The following PLAA variants were observed in gnomAD, a reference collection of about 807,000 sequenced individuals.
PLAA encodes the protein phospholipase A2 activating protein.
Under a neutral mutation model 84.1 loss-of-function variants are expected in PLAA, and 48 were observed. The ratio of observed to expected loss-of-function variants is 0.57; its 90% CI spans 0.45 to 0.73. The LOEUF is 0.73. Ranked by LOEUF, PLAA falls within the 30% of genes least tolerant of loss-of-function variation. The probability of loss-of-function intolerance (pLI) is 0.00; values close to 1 mark genes in which losing one functional copy is unlikely to be tolerated. For missense variants in PLAA, 903 were observed against 954.7 expected (o/e 0.95, Z 0.71); for synonymous variants, 392 against 336.6 (o/e 1.16, Z -1.80).
intron 2 of PLAA, among the ~76,000 whole-genome samples, chr9:26,929,003 G>T (rs577721316): frequency 1.8e-3 from 277 of 152,216 alleles, no homozygotes; most frequent in African/African-American, 6.5e-3. Context: ...TTAGAGACCG[G>T]CCTGGGCAAT....
At chr9:26,917,382 C>T (rs1401288149) in intron 9 of PLAA, among the ~76,000 whole-genome samples, 2 of 152,132 alleles carry the variant, frequency 1.3e-5, no homozygotes, top group Non-Finnish European at 2.9e-5. Context: ...AACTTTAATG[C>T]TTTATTATAC....
chr9:26,910,152 T>C (rs1824356141), intron 12 of PLAA, among the ~76,000 whole-genome samples, 186 bp downstream of exon 12: 1 of 152,218 alleles, frequency 6.6e-6, no homozygotes, highest in African/African-American at 2.4e-5. Flanking sequence ...GTAAGACTTC[T>C]TAGAAAGTAT....
intron 2 of PLAA, among the ~76,000 whole-genome samples, chr9:26,930,002 CAT>C (rs10594883): frequency 0.15 from 22,395 of 152,044 alleles, 1,904 homozygotes; most frequent in South Asian, 0.23. Context: ...CAGTCACACA[CAT>C]GTTTTTGGTG....
At chr9:26,917,042 G>A (rs1458743786) in intron 10 of PLAA, 55 bp downstream of exon 10, 3 of 1,400,080 alleles carry the variant, frequency 2.1e-6, no homozygotes, top group Admixed American at 1.7e-5. Flanking sequence ...GCCATGTGAT[G>A]CAAGATGCTA....
At position 26,916,126 on chromosome 9, in the gene PLAA, C is replaced by A. The variant is rs1824548459; in HGVS notation, c.1486+971G>T. 10 of 985,266 alleles carry A rather than the reference C, an allele frequency of 1.0e-5. No homozygotes were observed. In the African/African-American group the frequency reaches 1.7e-4, roughly 17 times the overall value. 61.0% of individuals were successfully genotyped at this position (985,266 alleles called of 1,614,324 possible). A position where few individuals can be genotyped will look rare whatever the true frequency, so the allele number is the denominator to read the frequency against. The stretch of plus-strand genomic sequence containing the variant: ...CAATAAATTCACAGGAAAAAGGAAG[C>A]TCACGGACAGCAATCCACAACTTCA... On this transcript the variant is annotated intron_variant, in intron 10 of 13. Coordinates refer to ENST00000397292, the MANE Select transcript of PLAA (RefSeq NM_001031689.3).
intron 12 of PLAA, among the ~76,000 whole-genome samples, chr9:26,908,661 C>T (rs1824311311): frequency 6.6e-6 from 1 of 151,870 alleles, no homozygotes; most frequent in African/African-American, 2.4e-5. Context: ...GATGGGGTTT[C>T]ACCATGTTGG....
In PLAA at chr9:26,947,051, G is replaced by A; in HGVS notation, c.-6C>T. ...CTGGTTGCGCCGCTCGTCATGGCCA[G>A]TGTCTGTCTGGCGCCCGGTGCCCAG... On this transcript the variant is annotated 5_prime_UTR_variant, in exon 1 of 14. Coordinates refer to ENST00000397292, the MANE Select transcript of PLAA (RefSeq NM_001031689.3). 6.4e-7 allele frequency: 1 copy of A among 1,572,324 alleles called. No homozygotes were observed. The highest frequency in any genetic ancestry group is 8.6e-7 in the Non-Finnish European group (1 of 1,159,892).
At chr9:26,936,602 C>A (rs1227044428) in intron 1 of PLAA, among the ~76,000 whole-genome samples, 1 of 152,232 alleles carries the variant, frequency 6.6e-6, no homozygotes, top group Admixed American at 6.5e-5. Context: ...CCACACCTCA[C>A]CCTTCTAGCC....
chr9:26,927,422 CA>C (rs1324975949), intron 4 of PLAA, among the ~76,000 whole-genome samples: 2 of 152,018 alleles, frequency 1.3e-5, no homozygotes, highest in Non-Finnish European at 2.9e-5. Context: ...TGCACCCAGC[CA>C]AAAGATACTT....
intron 1 of PLAA, among the ~76,000 whole-genome samples, chr9:26,940,759 C>G (rs900608183): frequency 1.3e-5 from 2 of 152,124 alleles, no homozygotes; most frequent in African/African-American, 4.8e-5. Flanking sequence ...AAAGACTAAT[C>G]GAAAGTCTTC....
Position 26,940,266 on chromosome 9 carries a change from C to A in PLAA, c.150-5060G>T, listed in dbSNP as rs532412478. 8.5e-5 allele frequency among the ~76,000 whole-genome samples: 13 copies of A among 152,278 alleles called. 2 individuals carry two copies. Among genetic ancestry groups the A allele is most frequent in the African/African-American group, 3.1e-4 (13 of 41,546 alleles). ...ATGTGGCATCAACCTAAGTGTCCAT[C>A]AATGGATGAATAAACAAAATGTGGT... On this transcript the variant is annotated intron_variant, in intron 1 of 13. Coordinates refer to ENST00000397292, the MANE Select transcript of PLAA (RefSeq NM_001031689.3).
At chr9:26,935,629 T>C (rs1192582266) in intron 1 of PLAA, among the ~76,000 whole-genome samples, 2 of 151,998 alleles carry the variant, frequency 1.3e-5, no homozygotes, top group African/African-American at 4.8e-5. Flanking sequence ...TTTTTCACAT[T>C]ATGAAGCATT....
chr9:26,910,955 A>C (rs367856346), intron 11 of PLAA, among the ~76,000 whole-genome samples: 242 of 152,194 alleles, frequency 1.6e-3, no homozygotes, highest in African/African-American at 5.6e-3. Flanking sequence ...ATTCCAAAGG[A>C]TGTAGTAGGT....
At chr9:26,918,381 G>T (rs1172660053) in intron 9 of PLAA, among the ~76,000 whole-genome samples, 1 of 150,376 alleles carries the variant, frequency 6.6e-6, no homozygotes, top group African/African-American at 2.5e-5. Flanking sequence ...GCCTGCCTTG[G>T]CCTCCCAAAG....
chr9:26,929,633 G>A (rs1255760868), intron 2 of PLAA, among the ~76,000 whole-genome samples: 4 of 152,202 alleles, frequency 2.6e-5, no homozygotes, highest in African/African-American at 4.8e-5. Context: ...GGATCCTTGA[G>A]ACAGCTACTT....
At chr9:26,913,618 C>T (rs1824459865) in intron 11 of PLAA, among the ~76,000 whole-genome samples, 1 of 152,050 alleles carries the variant, frequency 6.6e-6, no homozygotes, top group South Asian at 2.1e-4. Context: ...TTGCCAAGCC[C>T]CCATCTCAGA....
chr9:26,920,777 C>T (rs1443913458), intron 7 of PLAA, among the ~76,000 whole-genome samples: 1 of 152,180 alleles, frequency 6.6e-6, no homozygotes, highest in Admixed American at 6.5e-5. Context: ...TACTTCTCAG[C>T]ACCCCCTTCA....
At chr9:26,942,584 A>G (rs571254620) in intron 1 of PLAA, among the ~76,000 whole-genome samples, 1 of 152,162 alleles carries the variant, frequency 6.6e-6, no homozygotes, top group African/African-American at 2.4e-5. Flanking sequence ...CTTAAATTAT[A>G]AGAGTCAGAG....
intron 12 of PLAA, 25 bp downstream of exon 12, chr9:26,910,313 G>T: frequency 2.0e-6 from 3 of 1,523,486 alleles, no homozygotes; most frequent in Non-Finnish European, 2.7e-6. Flanking sequence ...GTGAATATGT[G>T]AATAAATTAA....
Sources: allele counts gnomAD v4.1 joint callset (sites outside exome capture counted in the v4.1 genomes callset), GRCh38; gene constraint gnomAD v4.1.1; transcripts MANE v1.5; gene names NCBI Gene and HGNC (gene_info 2026-07-23, HGNC 2026-07-21).